The following AGMO variants were observed in gnomAD, a reference collection of about 807,000 sequenced individuals.
The protein encoded by AGMO is alkylglycerol monooxygenase.
AGMO carries 75 observed loss-of-function variants against 60.2 expected under a neutral mutation model. The ratio of observed to expected loss-of-function variants is 1.25; its 90% CI spans 1.03 to 1.51. The LOEUF is 1.51. AGMO is among the 40% of genes most tolerant of loss of function. The pLI, the probability that AGMO is intolerant of heterozygous loss-of-function variation, is 0.00. For missense variants in AGMO, 763 were observed against 525.5 expected, an observed-to-expected ratio of 1.45 and a Z score of -4.42; for synonymous variants, 261 against 177.1, an observed-to-expected ratio of 1.47 and a Z score of -3.76.
chr7:15,253,629 T>C (rs535091229), intron 12 of AGMO, among the ~76,000 whole-genome samples: 2 of 152,280 alleles, frequency 1.3e-5, no homozygotes, highest in East Asian at 3.9e-4. Context: ...TATGTCTACA[T>C]GGTATAAAGA....
At chr7:15,438,893 A>G (rs1781473618) in intron 3 of AGMO, among the ~76,000 whole-genome samples, 1 of 152,242 alleles carries the variant, frequency 6.6e-6, no homozygotes, top group South Asian at 2.1e-4. Context: ...ATACATGTGA[A>G]TGTGATGCAA....
chr7:15,186,792 C>T, the AGMO span, among the ~76,000 whole-genome samples: 7 of 152,210 alleles, frequency 4.6e-5, no homozygotes, highest in Admixed American at 4.6e-4. Flanking sequence ...ACCGCCCCCA[C>T]ATGCTTCCTT....
At chr7:15,543,542 A>T (rs761926961) in intron 3 of AGMO, among the ~76,000 whole-genome samples, 19 of 152,134 alleles carry the variant, frequency 1.2e-4, no homozygotes, top group Non-Finnish European at 2.2e-4. Context: ...AAGTACTGCC[A>T]ACAAATTGAA....
chr7:15,181,265 T>C, the AGMO span, among the ~76,000 whole-genome samples: 3 of 152,216 alleles, frequency 2.0e-5, no homozygotes, highest in Admixed American at 2.0e-4. Flanking sequence ...TATCACTTCA[T>C]GCTAAGTGTA....
At chr7:15,421,231 C>A (rs185583064) in intron 4 of AGMO, among the ~76,000 whole-genome samples, 241 of 152,192 alleles carry the variant, frequency 1.6e-3, no homozygotes, top group African/African-American at 4.8e-3. Context: ...GCCATTATAA[C>A]AACGTGTGAG....
the AGMO span, among the ~76,000 whole-genome samples, chr7:15,192,525 A>G: frequency 2.4e-4 from 37 of 152,102 alleles, 2 homozygotes. Context: ...ATCACTCAGT[A>G]AAATCCTTGC....
At chr7:15,289,550 T>C (rs1784195631) in intron 12 of AGMO, among the ~76,000 whole-genome samples, 1 of 152,010 alleles carries the variant, frequency 6.6e-6, no homozygotes, top group South Asian at 2.1e-4. Flanking sequence ...AAAAAAGAAA[T>C]TTAAAGGTCT....
the AGMO span, among the ~76,000 whole-genome samples, chr7:15,135,173 T>C: frequency 6.6e-6 from 1 of 151,630 alleles, no homozygotes; most frequent in East Asian, 1.9e-4. Context: ...TGTGTGTGTG[T>C]GTGTGTGTGT....
intron 3 of AGMO, among the ~76,000 whole-genome samples, chr7:15,438,586 T>C (rs1438475667): frequency 1.3e-5 from 2 of 152,296 alleles, no homozygotes; most frequent in East Asian, 3.9e-4. Context: ...ATAACATGTT[T>C]TACTTTGAGC....
At chr7:15,417,319 C>A (rs1237319137) in intron 5 of AGMO, among the ~76,000 whole-genome samples, 1 of 152,184 alleles carries the variant, frequency 6.6e-6, no homozygotes, top group Non-Finnish European at 1.5e-5. Context: ...TGCTTTACTT[C>A]ATGAAATGGA....
the AGMO span, among the ~76,000 whole-genome samples, chr7:15,143,520 T>C: frequency 6.6e-6 from 1 of 152,202 alleles, no homozygotes. Flanking sequence ...AGAGGTACTT[T>C]AACAGTAAAA....
chr7:15,498,680 C>T (rs1275993325), intron 3 of AGMO, among the ~76,000 whole-genome samples: 1 of 151,890 alleles, frequency 6.6e-6, no homozygotes, highest in Non-Finnish European at 1.5e-5. Flanking sequence ...ATTTGGCTTC[C>T]TATTCCTCTA....
the AGMO span, among the ~76,000 whole-genome samples, chr7:15,147,449 C>T: frequency 2.0e-4 from 31 of 151,770 alleles, no homozygotes; most frequent in African/African-American, 7.5e-4. Context: ...TTCATAAAAC[C>T]ATTAGATCTT....
In AGMO at chr7:15,305,915, A is replaced by G. The variant is rs78069602; in HGVS notation, c.1263+59599T>C. On this transcript the variant is annotated intron_variant, in intron 12 of 12. Transcript: ENST00000342526. ...AGAACAAATCTTTTTTTAAAGACTG[A>G]TTTCATTTTAAAATTCCAGATAACA... Among the ~76,000 whole-genome samples, 352 of 152,116 alleles carry G rather than the reference A, an allele frequency of 2.3e-3. 6 individuals are homozygous for G. The East Asian group carries it at 0.05, about 22-fold the overall frequency.
At chr7:15,215,232 A>C (rs915524102) in intron 12 of AGMO, among the ~76,000 whole-genome samples, 2 of 152,144 alleles carry the variant, frequency 1.3e-5, no homozygotes, top group African/African-American at 4.8e-5. Context: ...TGAAATGAGA[A>C]GACTGTTGTG....
chr7:15,354,447 T>TGTGTATATAC (rs1782417717), intron 12 of AGMO, among the ~76,000 whole-genome samples: 14 of 18,772 alleles, frequency 7.5e-4, no homozygotes, highest in Admixed American at 1.9e-3. Context: ...TATACACACG[T>TGTGTATATAC]GTGTGTATAC....
intron 12 of AGMO, among the ~76,000 whole-genome samples, chr7:15,209,359 A>T (rs1041580482): frequency 5.4e-5 from 8 of 149,486 alleles, no homozygotes; most frequent in Non-Finnish European, 1.2e-4. Flanking sequence ...TTTCTCTACC[A>T]TGTAGGAAAC....
At chr7:15,170,470 C>G in the AGMO span, among the ~76,000 whole-genome samples, 9 of 152,306 alleles carry the variant, frequency 5.9e-5, no homozygotes, top group African/African-American at 1.7e-4. Context: ...TAGCATATTA[C>G]AATGTCATTC....
At chr7:15,408,368 T>C (rs939065645) in intron 5 of AGMO, among the ~76,000 whole-genome samples, 15 of 151,772 alleles carry the variant, frequency 9.9e-5, no homozygotes, top group African/African-American at 3.6e-4. Context: ...TGTATGAAAA[T>C]ATATAGGAGA....
Sources: allele counts gnomAD v4.1 joint callset (sites outside exome capture counted in the v4.1 genomes callset), GRCh38; gene constraint gnomAD v4.1.1; transcripts MANE v1.5; gene names NCBI Gene and HGNC (gene_info 2026-07-23, HGNC 2026-07-21).